The following MRE11 variants were observed in gnomAD, a reference collection of about 807,000 sequenced individuals.
MRE11 encodes the protein MRE11 double strand break repair nuclease, also known as double-strand break repair protein MRE11.
MRE11 carries 62 observed loss-of-function variants against 91.7 expected under a neutral mutation model. The observed-to-expected ratio is 0.68, with a 90% CI of 0.55 to 0.84. The LOEUF is 0.84. Ranked by LOEUF, MRE11 falls within the 40% of genes least tolerant of loss-of-function variation. The pLI, the probability that MRE11 is intolerant of heterozygous loss-of-function variation, is 0.00. For synonymous variants in MRE11, 273 were observed against 271.4 expected (o/e 1.01, Z -0.06); for missense variants, 796 against 852.9 (o/e 0.93, Z 0.83).
intron 9 of MRE11, among the ~76,000 whole-genome samples, chr11:94,469,708 T>C (rs1326123879): frequency 2.0e-5 from 3 of 152,174 alleles, no homozygotes; most frequent in Non-Finnish European, 4.4e-5. Flanking sequence ...TCACATATAG[T>C]ATTGTTGGCT....
At chr11:94,460,238 T>C (rs1946379139) in intron 12 of MRE11, among the ~76,000 whole-genome samples, 2 of 151,750 alleles carry the variant, frequency 1.3e-5, no homozygotes, top group Middle Eastern at 3.5e-3. Context: ...CTGTGTACGA[T>C]TTCTGACCTA....
chr11:94,476,241 T>C lies in MRE11; in HGVS notation c.659+48A>G, dbSNP rs537260505. ...AAATAGGTAAGCTCAGAAACAGATT[T>C]GGGAAGCCTCAGCACTTGGCTCAAA... is the stretch of plus-strand genomic sequence containing the variant. On this transcript the variant is annotated intron_variant, in intron 7 of 19. Transcript: ENST00000323929. 5.1e-5 allele frequency: 61 copies of C among 1,202,892 alleles called. No homozygotes were observed. In the East Asian group the frequency reaches 1.3e-3, roughly 26 times the overall value. The allele number at this position is 1,202,892 out of a possible 1,614,324, so 74.5% of individuals were successfully genotyped here. A position where few individuals can be genotyped will look rare whatever the true frequency, so the allele number is the denominator to read the frequency against.
At chr11:94,503,563 C>A in the MRE11 span, among the ~76,000 whole-genome samples, 2 of 151,664 alleles carry the variant, frequency 1.3e-5, no homozygotes, top group South Asian at 2.1e-4. Context: ...GGTGGCACAC[C>A]CCTGTAGTCC....
rs370437303 is a variant in MRE11, at chr11:94,461,615, G to A, written c.1226-579C>T. On this transcript the variant is annotated intron_variant, in intron 11 of 19. Transcript: ENST00000323929. ...TATTCAACACAGTGTTGGAAGTTCCGGCCAGGGCAATCAGGCAGGAGAAAT... is the reference window on the plus strand; with the variant it reads ...TATTCAACACAGTGTTGGAAGTTCCAGCCAGGGCAATCAGGCAGGAGAAAT... Among the ~76,000 whole-genome samples, 13 of 152,104 alleles carry A rather than the reference G, an allele frequency of 8.5e-5. No homozygotes were observed. The East Asian group carries it at 1.7e-3, about 20-fold the overall frequency.
At chr11:94,438,611 C>T (rs534296478) in intron 16 of MRE11, among the ~76,000 whole-genome samples, 5 of 152,280 alleles carry the variant, frequency 3.3e-5, no homozygotes, top group African/African-American at 1.2e-4. Flanking sequence ...AACAAGATAC[C>T]TTTCTTTTTA....
intron 13 of MRE11, among the ~76,000 whole-genome samples, chr11:94,458,861 TTTAA>T (rs1429758514): frequency 6.6e-6 from 1 of 152,084 alleles, no homozygotes; most frequent in Non-Finnish European, 1.5e-5. Flanking sequence ...CTATCAAATG[TTTAA>T]TTATTTTTAA....
chr11:94,481,416 G>C (rs1226302185), intron 4 of MRE11, among the ~76,000 whole-genome samples: 1 of 152,126 alleles, frequency 6.6e-6, no homozygotes, highest in Non-Finnish European at 1.5e-5. Context: ...TGAAAGAACT[G>C]CTTATTGGGG....
rs1947326664 is a variant in MRE11, at chr11:94,492,887, G to T, written c.-86C>A. 1 of 1,243,800 alleles carries T rather than the reference G, an allele frequency of 8.0e-7. No individual in the cohort carries two copies. The highest frequency in any genetic ancestry group is 1.2e-6 in the Non-Finnish European group (1 of 861,458). 77.0% of individuals were successfully genotyped at this position (1,243,800 alleles called of 1,614,324 possible). On this transcript the variant is annotated 5_prime_UTR_variant, in exon 2 of 20. Coordinates refer to ENST00000323929, the MANE Select transcript of MRE11 (RefSeq NM_005591.4). ...TACTCAAATGTCAGAAAATGCACTC[G>T]ATTCCAAATTCTAGAAATTCTAAAA...
chr11:94,485,086 G>GCCTGTAATCCCAGCTACTCA (rs1233082699), intron 4 of MRE11, among the ~76,000 whole-genome samples: 1 of 151,808 alleles, frequency 6.6e-6, no homozygotes, highest in Non-Finnish European at 1.5e-5. Context: ...GGTGATGGGC[G>GCCTGTAATCCCAGCTACTCA]CCTGTAATCC....
At chr11:94,495,039 A>T (rs1947391770), upstream of MRE11, among the ~76,000 whole-genome samples, 2 of 152,186 alleles carry the variant, frequency 1.3e-5, no homozygotes, top group African/African-American at 4.8e-5. Context: ...TGGGTGACTG[A>T]AAAGCCGGAT....
At chr11:94,505,080 C>T in the MRE11 span, among the ~76,000 whole-genome samples, 4 of 152,218 alleles carry the variant, frequency 2.6e-5, no homozygotes, top group African/African-American at 4.8e-5. Flanking sequence ...AAACCTACTG[C>T]ACTGCCAGTC....
the MRE11 span, among the ~76,000 whole-genome samples, chr11:94,500,027 A>G: frequency 4.2e-3 from 641 of 152,250 alleles, 12 homozygotes; most frequent in Non-Finnish European, 5.0e-3. Flanking sequence ...ATCTCTTCCT[A>G]GGGAGATGCT....
At chr11:94,474,949 T>C (rs1030364873) in intron 7 of MRE11, among the ~76,000 whole-genome samples, 2 of 152,204 alleles carry the variant, frequency 1.3e-5, no homozygotes, top group African/African-American at 2.4e-5. Context: ...CAAAGTTATA[T>C]GAAGACCACA....
intron 7 of MRE11, chr11:94,475,409 G>A (rs116432514): frequency 3.7e-5 from 12 of 327,090 alleles, no homozygotes; most frequent in Middle Eastern, 4.1e-4. Context: ...GTCCTGGACC[G>A]AACACCCCCC....
intron 14 of MRE11, among the ~76,000 whole-genome samples, chr11:94,451,660 T>C (rs1334757568): frequency 1.3e-5 from 2 of 152,134 alleles, no homozygotes; most frequent in African/African-American, 2.4e-5. Flanking sequence ...GCTATGTACA[T>C]AATAATATAA....
intron 19 of MRE11, among the ~76,000 whole-genome samples, chr11:94,428,790 G>A (rs1945389863): frequency 6.6e-6 from 1 of 152,016 alleles, no homozygotes; most frequent in African/African-American, 2.4e-5. Flanking sequence ...TTGAACCCGG[G>A]AGGCGGAGAT....
rs786201174 is a variant in MRE11, at chr11:94,420,137, T to C, written c.2115A>G (p.Arg705=). The change falls in exon 20 of 20, where the codon AGA becomes AGG. Residue 705 remains arginine (R), a synonymous_variant. Transcript: ENST00000323929. The part of the protein sequence containing the change: ...DPFMNTSSLR[R]NRR ...GCCATTAAATATATTATCTTCTATT[T>C]CTTCTTAAAGAACTAGTGTTCATAA... is the stretch of plus-strand genomic sequence containing the variant. 4 of 1,576,790 alleles carry C rather than the reference T, an allele frequency of 2.5e-6. No individual in the cohort carries two copies. The highest frequency in any genetic ancestry group is 2.6e-6 in the Non-Finnish European group (3 of 1,151,050).
chr11:94,467,993 T>G, intron 9 of MRE11, 100 bp from the exon 10 acceptor site: 2 of 858,982 alleles, frequency 2.3e-6, no homozygotes, highest in Non-Finnish European at 3.9e-6. Flanking sequence ...AACTACATAA[T>G]CATCTTTATT....
intron 7 of MRE11, chr11:94,475,716 G>A (rs1946835123): frequency 9.1e-6 from 4 of 439,874 alleles, no homozygotes; most frequent in African/African-American, 2.0e-5. Flanking sequence ...TATGTAGCAG[G>A]AAACATGTCT....
Sources: allele counts gnomAD v4.1 joint callset (sites outside exome capture counted in the v4.1 genomes callset), GRCh38; gene constraint gnomAD v4.1.1; transcripts MANE v1.5; gene names NCBI Gene and HGNC (gene_info 2026-07-23, HGNC 2026-07-21).